POU2F1: variants seen among roughly 807,000 people sequenced by gnomAD.
The protein encoded by POU2F1 is POU domain, class 2, transcription factor 1.
POU2F1 carries 16 observed loss-of-function variants against 84.9 expected under a neutral mutation model. The observed-to-expected ratio is 0.19, with a 90% CI of 0.13 to 0.29. The LOEUF (loss-of-function observed/expected upper bound fraction) is 0.29, where lower values mean the gene tolerates loss of function less well. Among genes scored for constraint, POU2F1 ranks in the 10% least tolerant of loss-of-function variants. The pLI is 1.00. For synonymous variants in POU2F1, 368 were observed against 368.3 expected (o/e 1.00, Z 0.01); for missense variants, 738 against 942.6 (o/e 0.78, Z 2.84).
At chr1:167,262,648 G>A (rs559269235) in intron 1 of POU2F1, among the ~76,000 whole-genome samples, 2 of 152,290 alleles carry the variant, frequency 1.3e-5, no homozygotes, top group Admixed American at 1.3e-4. Flanking sequence ...ATTCAATGTA[G>A]AATGTGGTGA....
intron 1 of POU2F1, among the ~76,000 whole-genome samples, chr1:167,246,886 A>C (rs1205860659): frequency 6.6e-6 from 1 of 152,204 alleles, no homozygotes; most frequent in Admixed American, 6.5e-5. Context: ...AAAATCATCA[A>C]AATGAAACTG....
At chr1:167,349,376 G>A (rs2101781152) in intron 2 of POU2F1, among the ~76,000 whole-genome samples, 1 of 151,992 alleles carries the variant, frequency 6.6e-6, no homozygotes, top group South Asian at 2.1e-4. Context: ...CATTACTTGT[G>A]CACCCCGGCC....
chr1:167,342,098 A>G (rs1657898517), intron 2 of POU2F1, among the ~76,000 whole-genome samples: 1 of 152,126 alleles, frequency 6.6e-6, no homozygotes, highest in African/African-American at 2.4e-5. Flanking sequence ...GGGGTATGGC[A>G]GGCCAAAAGG....
intron 13 of POU2F1, among the ~76,000 whole-genome samples, chr1:167,405,534 C>T (rs1649512221): frequency 6.6e-6 from 1 of 150,562 alleles, no homozygotes; most frequent in South Asian, 2.1e-4. Flanking sequence ...AAAAAATGAG[C>T]AAAATTAGCC....
intron 1 of POU2F1, among the ~76,000 whole-genome samples, chr1:167,323,322 A>C (rs533170352): frequency 1.3e-5 from 2 of 152,368 alleles, no homozygotes; most frequent in East Asian, 3.9e-4. Flanking sequence ...TTTTACAACC[A>C]AGAAATTCAG....
chr1:167,332,489 G>A lies in POU2F1; in HGVS notation c.81G>A (p.Pro27=), dbSNP rs148016183. 38 of 1,610,076 alleles carry A rather than the reference G, an allele frequency of 2.4e-5. No individual in the cohort carries two copies. Among genetic ancestry groups the A allele is most frequent in the Non-Finnish European group, 2.8e-5 (33 of 1,176,712 alleles). The part of the protein sequence containing the change: ...AAAADSRMNN[P]SETSKPSMES... ...TTGCAGACTCAAGAATGAACAATCC[G>A]TCAGAAACCAGTAAACCATCTATGG... Residue 27 remains proline (P), a synonymous_variant, in exon 2 of 16, where the codon CCG becomes CCA. Transcript: ENST00000367866.
chr1:167,342,012 A>G (rs1476582567), intron 2 of POU2F1, among the ~76,000 whole-genome samples: 1 of 152,102 alleles, frequency 6.6e-6, no homozygotes, highest in African/African-American at 2.4e-5. Flanking sequence ...CTGCCACACC[A>G]TTCTGCTGTT....
At chr1:167,222,795 A>T (rs1648336002) in intron 1 of POU2F1, among the ~76,000 whole-genome samples, 1 of 152,160 alleles carries the variant, frequency 6.6e-6, no homozygotes, top group Non-Finnish European at 1.5e-5. Context: ...TATTGGGCCT[A>T]GGGGGAAAAA....
rs34899926 is a variant in POU2F1, at chr1:167,370,169, C to T, written c.237C>T (p.Leu79=). 57 of 1,606,842 alleles carry T rather than the reference C, an allele frequency of 3.5e-5. No individual in the cohort carries two copies. In the African/African-American group the frequency reaches 4.3e-4, roughly 12 times the overall value. ...CCCCTGATTACTTATAGGTCCAACTCGCTGGAACAAGTTTACAGGCTGCTG... is the reference window on the plus strand; with the variant it reads ...CCCCTGATTACTTATAGGTCCAACTTGCTGGAACAAGTTTACAGGCTGCTG... ...AFLGHLHQVQ[L]AGTSLQAAAQ... is the part of the protein sequence containing the mutation. The change falls in exon 4 of 16, where the codon CTC becomes CTT. Residue 79 remains leucine, a synonymous_variant. Coordinates refer to ENST00000367866, the MANE Select transcript of POU2F1 (RefSeq NM_002697.4).
In POU2F1 at chr1:167,258,566, T is replaced by G. The variant is rs544131312; in HGVS notation, c.61+37608T>G. On this transcript the variant is annotated intron_variant, in intron 1 of 15. Transcript: ENST00000367866. ...GATTATATAGATATATGTGTGTGTC[T>G]GTATACACATGTGTACACAGGAGGA... is the stretch of plus-strand genomic sequence containing the variant. Among the ~76,000 whole-genome samples the G allele has an allele frequency of 2.7e-5, 4 of 150,410 alleles. No individual in the cohort carries two copies. The East Asian group carries it at 5.8e-4, about 22-fold the overall frequency.
intron 13 of POU2F1, among the ~76,000 whole-genome samples, chr1:167,406,690 T>C (rs1646184245): frequency 1.3e-5 from 2 of 152,146 alleles, no homozygotes; most frequent in Admixed American, 1.3e-4. Context: ...GATTGATATA[T>C]AAAAAATAAA....
intron 2 of POU2F1, among the ~76,000 whole-genome samples, chr1:167,339,586 A>G (rs1188354154): frequency 1.3e-5 from 2 of 152,254 alleles, no homozygotes. Context: ...CTCTTTCATC[A>G]GTACTCCTGA....
chr1:167,262,497 A>G (rs1371693244), intron 1 of POU2F1, among the ~76,000 whole-genome samples: 1 of 152,236 alleles, frequency 6.6e-6, no homozygotes, highest in Non-Finnish European at 1.5e-5. Context: ...ATCTGCCCTC[A>G]AAGGGACTAA....
intron 13 of POU2F1, among the ~76,000 whole-genome samples, chr1:167,402,812 A>G (rs1649301681): frequency 6.6e-6 from 1 of 152,216 alleles, no homozygotes; most frequent in Non-Finnish European, 1.5e-5. Context: ...CAAGAATGTG[A>G]AGAACCATCT....
chr1:167,312,741 C>G (rs1655590674), intron 1 of POU2F1, among the ~76,000 whole-genome samples: 1 of 152,188 alleles, frequency 6.6e-6, no homozygotes, highest in Non-Finnish European at 1.5e-5. Flanking sequence ...TCACCCATAG[C>G]AATTTTAGTC....
At chr1:167,336,388 G>A (rs1657448824) in intron 2 of POU2F1, among the ~76,000 whole-genome samples, 1 of 152,166 alleles carries the variant, frequency 6.6e-6, no homozygotes, top group East Asian at 1.9e-4. Context: ...ATTGTGTATT[G>A]CAGTAAAAAG....
At chr1:167,345,974 A>G (rs1202023777) in intron 2 of POU2F1, among the ~76,000 whole-genome samples, 1 of 150,008 alleles carries the variant, frequency 6.7e-6, no homozygotes, top group Non-Finnish European at 1.5e-5. Flanking sequence ...TAGCCTGGGC[A>G]ACATAGTGAG....
intron 11 of POU2F1, among the ~76,000 whole-genome samples, chr1:167,398,518 T>C (rs1292684394): frequency 6.6e-6 from 1 of 152,142 alleles, no homozygotes; most frequent in Non-Finnish European, 1.5e-5. Flanking sequence ...GAGGAGACAC[T>C]CTAGTAGATT....
intron 1 of POU2F1, among the ~76,000 whole-genome samples, chr1:167,267,630 C>T (rs1259312701): frequency 1.1e-3 from 81 of 70,456 alleles, no homozygotes; most frequent in South Asian, 3.4e-3. Flanking sequence ...GTTACTGTGT[C>T]TTTTTTTTTT....
Sources: gnomAD v4.1 joint callset for allele counts (sites outside exome capture counted in the v4.1 genomes callset) on GRCh38, gnomAD v4.1.1 for gene constraint, MANE v1.5 for transcripts, NCBI Gene and HGNC (gene_info 2026-07-23, HGNC 2026-07-21) for gene names.